Variants in ADAMTSL1 observed in about 807,000 individuals in gnomAD.
ADAMTSL1 encodes ADAMTS-like protein 1.
In ADAMTSL1, 126 loss-of-function variants were observed where a neutral mutation model predicts 201.8. That is an observed-to-expected ratio of 0.62 (90% CI 0.54 to 0.72). ADAMTSL1 has a LOEUF of 0.72. ADAMTSL1 is among the 30% of genes least tolerant of loss of function. The probability of loss-of-function intolerance (pLI) is 0.00; values close to 1 mark genes in which losing one functional copy is unlikely to be tolerated. For synonymous variants in ADAMTSL1, 1,121 were observed against 903.4 expected (o/e 1.24, Z -4.32); for missense variants, 2,679 against 2,277.8 (o/e 1.18, Z -3.59).
chr9:18,864,675 T>G (rs74970444), intron 23 of ADAMTSL1, among the ~76,000 whole-genome samples: 5,545 of 152,248 alleles, frequency 0.036, 138 homozygotes, highest in South Asian at 0.09. Context: ...TCTGTCCAAC[T>G]CAGGCTGTTT....
chr9:18,820,212 G>T (rs566019650), intron 21 of ADAMTSL1, among the ~76,000 whole-genome samples: 3 of 151,936 alleles, frequency 2.0e-5, no homozygotes, highest in Non-Finnish European at 2.9e-5. Flanking sequence ...AGTTTTTTAT[G>T]GAGTATTTAA....
intron 14 of ADAMTSL1, among the ~76,000 whole-genome samples, chr9:18,717,096 G>T (rs1264872633): frequency 6.9e-6 from 1 of 144,730 alleles, no homozygotes; most frequent in South Asian, 2.2e-4. Flanking sequence ...GGGGTGGGGG[G>T]ACGGGGGAGG....
At chr9:18,147,857 A>C (rs1489061305) in intron 1 of ADAMTSL1, among the ~76,000 whole-genome samples, 1 of 152,134 alleles carries the variant, frequency 6.6e-6, no homozygotes, top group Non-Finnish European at 1.5e-5. Context: ...AGTGTATTCC[A>C]CTATTCTCTA....
chr9:18,682,294 C>A (rs1830552176), intron 12 of ADAMTSL1, among the ~76,000 whole-genome samples: 2 of 152,160 alleles, frequency 1.3e-5, no homozygotes, highest in Non-Finnish European at 2.9e-5. Context: ...ATCCACATTT[C>A]TTGCCTTTAA....
chr9:18,663,868 AC>A (rs1402047237), intron 9 of ADAMTSL1, among the ~76,000 whole-genome samples: 4 of 152,098 alleles, frequency 2.6e-5, no homozygotes, highest in Non-Finnish European at 4.4e-5. Flanking sequence ...TGTTGGAGAA[AC>A]TTTTTTGGCC....
In ADAMTSL1 at chr9:18,237,778, T is replaced by A. The variant is rs140643080; in HGVS notation, c.207+73797T>A. ...CCATTTTACATAATTCATCAGTACT[T>A]AATTGTACACTGTTTTCTTCCTTTG... is the stretch of plus-strand genomic sequence containing the variant. On this transcript the variant is annotated intron_variant, in intron 2 of 29. Transcript: ENST00000680146. 3.7e-4 allele frequency among the ~76,000 whole-genome samples: 57 copies of A among 152,350 alleles called. 1 individual carries two copies. Among genetic ancestry groups the A allele is most frequent in the African/African-American group, 1.3e-3 (56 of 41,584 alleles).
intron 15 of ADAMTSL1, among the ~76,000 whole-genome samples, chr9:18,740,393 G>C (rs962423626): frequency 1.4e-5 from 2 of 145,924 alleles, no homozygotes; most frequent in Admixed American, 1.4e-4. Context: ...ATCAAGGAGA[G>C]AAGAGAGGAG....
intron 2 of ADAMTSL1, among the ~76,000 whole-genome samples, chr9:18,527,644 G>T (rs912323026): frequency 1.3e-5 from 2 of 152,122 alleles, no homozygotes; most frequent in South Asian, 4.1e-4. Context: ...AGAAGTGGAA[G>T]TTTAGATGGT....
intron 5 of ADAMTSL1, among the ~76,000 whole-genome samples, chr9:18,634,471 G>A (rs1454288272): frequency 6.6e-6 from 1 of 152,050 alleles, no homozygotes; most frequent in East Asian, 1.9e-4. Flanking sequence ...GCTGAAGTAG[G>A]AGGATCTCTT....
chr9:18,659,923 A>G (rs1363120904), intron 8 of ADAMTSL1, among the ~76,000 whole-genome samples: 2 of 123,240 alleles, frequency 1.6e-5, no homozygotes, highest in African/African-American at 6.4e-5. Context: ...TTTTTTTAAA[A>G]AAAAAAATGA....
At chr9:18,318,942 C>T (rs1330224026) in intron 2 of ADAMTSL1, among the ~76,000 whole-genome samples, 1 of 152,224 alleles carries the variant, frequency 6.6e-6, no homozygotes, top group African/African-American at 2.4e-5. Flanking sequence ...GGCACAGTGG[C>T]TCATGCCTGT....
intron 1 of ADAMTSL1, among the ~76,000 whole-genome samples, chr9:17,989,095 C>T (rs952459089): frequency 6.6e-6 from 1 of 151,874 alleles, no homozygotes; most frequent in South Asian, 2.1e-4. Flanking sequence ...ATAGAGGAAA[C>T]TACTTTAATT....
intron 1 of ADAMTSL1, among the ~76,000 whole-genome samples, chr9:18,474,740 T>C (rs949914490): frequency 6.6e-6 from 1 of 152,158 alleles, no homozygotes; most frequent in Non-Finnish European, 1.5e-5. Context: ...TCTATGCACA[T>C]GTACTATGGA....
intron 1 of ADAMTSL1, among the ~76,000 whole-genome samples, chr9:18,092,245 C>T (rs1314785823): frequency 3.3e-5 from 5 of 152,026 alleles, no homozygotes; most frequent in Non-Finnish European, 7.4e-5. Flanking sequence ...AATTGTAGCT[C>T]AACATGACAA....
intron 2 of ADAMTSL1, among the ~76,000 whole-genome samples, chr9:18,245,441 G>A (rs1831224810): frequency 1.3e-5 from 2 of 152,106 alleles, no homozygotes; most frequent in South Asian, 4.1e-4. Flanking sequence ...TAGCTACTCG[G>A]GGTTTGTGAC....
intron 1 of ADAMTSL1, among the ~76,000 whole-genome samples, chr9:18,492,854 G>T (rs1287409372): frequency 2.0e-5 from 3 of 152,144 alleles, no homozygotes; most frequent in Non-Finnish European, 2.9e-5. Context: ...GCAAAGTCAG[G>T]ATATAACAAA....
At chr9:18,201,112 A>T (rs983354929) in intron 2 of ADAMTSL1, among the ~76,000 whole-genome samples, 1 of 152,050 alleles carries the variant, frequency 6.6e-6, no homozygotes, top group African/African-American at 2.4e-5. Context: ...AAAACTTAAG[A>T]TGTCAGTTTT....
intron 3 of ADAMTSL1, among the ~76,000 whole-genome samples, chr9:18,551,505 GAA>G (rs1485509298): frequency 6.6e-6 from 1 of 150,474 alleles, no homozygotes; most frequent in Non-Finnish European, 1.5e-5. Context: ...AAAATTATGA[GAA>G]GAGATTTTCT....
At chr9:18,074,160 T>C (rs1222609322) in intron 1 of ADAMTSL1, among the ~76,000 whole-genome samples, 1 of 152,176 alleles carries the variant, frequency 6.6e-6, no homozygotes, top group Non-Finnish European at 1.5e-5. Flanking sequence ...AGGTCTGAGA[T>C]GCCCACCAGC....
Sources: gnomAD v4.1 joint callset for allele counts (sites outside exome capture counted in the v4.1 genomes callset) on GRCh38, gnomAD v4.1.1 for gene constraint, MANE v1.5 for transcripts, NCBI Gene and HGNC (gene_info 2026-07-23, HGNC 2026-07-21) for gene names.